PCDH11X: variants seen among roughly 807,000 people sequenced by gnomAD.
PCDH11X encodes the protein protocadherin 11 X-linked.
In PCDH11X, 18 loss-of-function variants were observed where a neutral mutation model predicts 53.3. The ratio of observed to expected loss-of-function variants is 0.34; its 90% CI spans 0.23 to 0.50. The LOEUF (loss-of-function observed/expected upper bound fraction) is 0.50. Among genes scored for constraint, PCDH11X ranks in the 20% least tolerant of loss-of-function variants. PCDH11X has a pLI of 0.98. For synonymous variants in PCDH11X, 279 were observed against 393.3 expected (o/e 0.71, Z 3.44); for missense variants, 570 against 1,032.4 (o/e 0.55, Z 6.14).
chrX:91,902,498 A>C (rs1280077596), intron 6 of PCDH11X, among the ~76,000 whole-genome samples: 1 of 101,110 alleles, frequency 9.9e-6, no homozygotes, highest in Non-Finnish European at 2.0e-5. Flanking sequence ...TGTCCACTGC[A>C]TAAGTGTTAA....
At chrX:92,233,890 TCTA>T (rs2067125719) in intron 7 of PCDH11X, among the ~76,000 whole-genome samples, 1 of 111,990 alleles carries the variant, frequency 8.9e-6, no homozygotes, top group African/African-American at 3.2e-5. Context: ...AAAAAGCAAT[TCTA>T]CCAAATGAAA....
intron 6 of PCDH11X, among the ~76,000 whole-genome samples, chrX:92,041,424 T>G (rs1186870865): frequency 9.0e-6 from 1 of 111,603 alleles, no homozygotes; most frequent in Non-Finnish European, 1.9e-5. Context: ...AATAATCCAA[T>G]GCAAATCAGT....
intron 10 of PCDH11X, among the ~76,000 whole-genome samples, chrX:92,617,850 A>G (rs1569510956): frequency 9.0e-6 from 1 of 110,983 alleles, no homozygotes; most frequent in Non-Finnish European, 1.9e-5. Context: ...TTAGCTAACT[A>G]TTTTTTAGCT....
chrX:92,511,579 G>A (rs1371325111), intron 10 of PCDH11X, among the ~76,000 whole-genome samples: 1 of 111,480 alleles, frequency 9.0e-6, no homozygotes, highest in African/African-American at 3.3e-5. Context: ...TGTAGCTATT[G>A]TTTTTGTTGC....
intron 4 of PCDH11X, among the ~76,000 whole-genome samples, chrX:91,816,157 G>A (rs1274960369): frequency 9.0e-6 from 1 of 110,655 alleles, no homozygotes; most frequent in Non-Finnish European, 1.9e-5. Flanking sequence ...TCTCCAATAC[G>A]CAAAATGCCT....
At chrX:91,985,577 C>G (rs1401034583) in intron 6 of PCDH11X, among the ~76,000 whole-genome samples, 12 of 112,369 alleles carry the variant, frequency 1.1e-4, no homozygotes. Context: ...AAACCATACT[C>G]AAACCCTATT....
Position 92,424,305 on chromosome X carries a change from T to G in PCDH11X, c.3343+36372T>G, listed in dbSNP as rs1166150173. Among the ~76,000 whole-genome samples, 4 of 95,780 alleles carry G rather than the reference T, an allele frequency of 4.2e-5. No individual in the cohort carries two copies. The East Asian group carries it at 1.2e-3, about 29-fold the overall frequency. 83.2% of individuals were successfully genotyped at this position (95,780 alleles called of 115,157 possible). ...ATCTGGATAATGCTGATTTTTTTCT[T>G]TATTTGTTTAACCGGCAGTTGTTCT... On this transcript the variant is annotated intron_variant, in intron 9 of 10. Coordinates refer to ENST00000682573, the MANE Select transcript of PCDH11X (RefSeq NM_032968.5).
Position 92,618,388 on chromosome X carries a change from G to T in PCDH11X, c.3492G>T (p.Ser1164=), listed in dbSNP as rs777532189. 1.7e-6 allele frequency: 2 copies of T among 1,209,616 alleles called. No individual in the cohort carries two copies. The highest frequency in any genetic ancestry group is 2.2e-5 in the Admixed American group (1 of 45,757). ...CATCTCTGGATCATTCCAGCTCTTC[G>T]CAAGCACAGGCCTCTGCTCTATGCC... ...MPASLDHSSS[S]QAQASALCHS... Residue 1164 remains serine, a synonymous_variant, in exon 11 of 11, where the codon TCG becomes TCT. Coordinates refer to ENST00000682573, the MANE Select transcript of PCDH11X (RefSeq NM_032968.5).
At chrX:92,533,171 A>G (rs146387999) in intron 10 of PCDH11X, among the ~76,000 whole-genome samples, 1,938 of 111,506 alleles carry the variant, frequency 0.017, 53 homozygotes, top group African/African-American at 0.06. Context: ...AGGAAAAAGT[A>G]AAAAAGGTAA....
intron 4 of PCDH11X, among the ~76,000 whole-genome samples, chrX:91,816,191 T>C (rs1936447934): frequency 9.0e-6 from 1 of 111,666 alleles, no homozygotes; most frequent in Non-Finnish European, 1.9e-5. Flanking sequence ...TTATGTATAA[T>C]TATGTAATAA....
At chrX:91,926,351 T>A (rs1941948712) in intron 6 of PCDH11X, among the ~76,000 whole-genome samples, 1 of 110,756 alleles carries the variant, frequency 9.0e-6, no homozygotes, top group South Asian at 3.8e-4. Flanking sequence ...TGGAGGGCAA[T>A]CTGCTTTACC....
chrX:92,037,884 A>G (rs1203335494), intron 6 of PCDH11X, among the ~76,000 whole-genome samples: 1 of 92,808 alleles, frequency 1.1e-5, no homozygotes, highest in Non-Finnish European at 2.1e-5. Flanking sequence ...CCCCTTTTTG[A>G]TGGGGTTATT....
intron 10 of PCDH11X, among the ~76,000 whole-genome samples, chrX:92,587,807 C>T (rs1468126442): frequency 9.2e-6 from 1 of 108,960 alleles, no homozygotes; most frequent in Non-Finnish European, 1.9e-5. Flanking sequence ...ATTCCATCTT[C>T]TCAGTGTACT....
chrX:92,441,744 C>T (rs956722884), intron 9 of PCDH11X, among the ~76,000 whole-genome samples: 2 of 111,705 alleles, frequency 1.8e-5, no homozygotes, highest in African/African-American at 3.3e-5. Flanking sequence ...AATGTGGGGT[C>T]GGCACCCACA....
chrX:92,146,488 G>A (rs1394381471), intron 6 of PCDH11X, among the ~76,000 whole-genome samples: 3 of 111,282 alleles, frequency 2.7e-5, no homozygotes, highest in Admixed American at 9.6e-5. Flanking sequence ...ACATCTTTCC[G>A]TTTTCTGCAA....
At chrX:92,375,166 A>ATATATT (rs1302181048) in intron 8 of PCDH11X, among the ~76,000 whole-genome samples, 6 of 8,264 alleles carry the variant, frequency 7.3e-4, no homozygotes, top group African/African-American at 3.1e-3. Context: ...ATATATATAT[A>ATATATT]TTTTTTTTTT....
In PCDH11X at chrX:92,618,448, C is replaced by A; in HGVS notation, c.3552C>A (p.His1184Gln). Residue 1184 changes from histidine (H) to glutamine (Q), a missense_variant, in exon 11 of 11, where the codon CAC (histidine) becomes CAA (glutamine). His to Gln is a conservative substitution (Grantham distance 24). Transcript: ENST00000682573. Reference sequence around the variant, plus strand: ...CACTGTCACAGGCCTCTACTCAGCACCACAGCCCACGAGTGACACAGACCA... The same window carrying A: ...CACTGTCACAGGCCTCTACTCAGCAACACAGCCCACGAGTGACACAGACCA... ...SPPLSQASTQHHSPRVTQTIA... is the reference protein window; with the variant it reads ...SPPLSQASTQQHSPRVTQTIA... 1 of 1,211,675 alleles carries A rather than the reference C, an allele frequency of 8.3e-7. No individual in the cohort carries two copies. Among genetic ancestry groups the A allele is most frequent in the Non-Finnish European group, 1.1e-6 (1 of 895,440 alleles).
intron 6 of PCDH11X, among the ~76,000 whole-genome samples, chrX:91,899,961 GT>G (rs1186936796): frequency 9.0e-6 from 1 of 111,614 alleles, no homozygotes; most frequent in Non-Finnish European, 1.9e-5. Context: ...GCAGGTCGTG[GT>G]TTTTACCTGG....
intron 9 of PCDH11X, among the ~76,000 whole-genome samples, chrX:92,388,449 G>A (rs1265663948): frequency 9.5e-6 from 1 of 105,380 alleles, no homozygotes; most frequent in Non-Finnish European, 2.0e-5. Flanking sequence ...TGTTTAGAAA[G>A]GTATTCACAT....
Sources: gnomAD v4.1 joint callset for allele counts (sites outside exome capture counted in the v4.1 genomes callset) on GRCh38, gnomAD v4.1.1 for gene constraint, MANE v1.5 for transcripts, NCBI Gene and HGNC (gene_info 2026-07-23, HGNC 2026-07-21) for gene names.